The following IQGAP1 variants were observed in gnomAD, a reference collection of about 807,000 sequenced individuals.
IQGAP1 encodes IQ motif containing GTPase activating protein 1.
IQGAP1 carries 66 observed loss-of-function variants against 215.6 expected under a neutral mutation model. The observed-to-expected ratio is 0.31, with a 90% CI of 0.25 to 0.38. The LOEUF is 0.38. Among genes scored for constraint, IQGAP1 ranks in the 10% least tolerant of loss-of-function variants. The pLI is 1.00. For synonymous variants in IQGAP1, 772 were observed against 728.7 expected (o/e 1.06, Z -0.96); for missense variants, 1,712 against 1,997.1 (o/e 0.86, Z 2.72).
intron 36 of IQGAP1, among the ~76,000 whole-genome samples, chr15:90,496,453 G>A (rs1333402469): frequency 6.6e-6 from 1 of 151,720 alleles, no homozygotes; most frequent in East Asian, 1.9e-4. Flanking sequence ...AGCCTTCTGA[G>A]TAGCTGGGAC....
chr15:90,433,044 T>C (rs1965323945), intron 4 of IQGAP1, among the ~76,000 whole-genome samples: 1 of 152,216 alleles, frequency 6.6e-6, no homozygotes, highest in Non-Finnish European at 1.5e-5. Context: ...GATCTAGCCC[T>C]GCCTTCGTGT....
chr15:90,434,841 G>A (rs1965349057), intron 5 of IQGAP1, among the ~76,000 whole-genome samples: 4 of 152,166 alleles, frequency 2.6e-5, no homozygotes, highest in Admixed American at 2.0e-4. Flanking sequence ...TGGATTTTCA[G>A]ATTTGGTATA....
chr15:90,451,866 T>G (rs1965608814), intron 11 of IQGAP1, among the ~76,000 whole-genome samples: 1 of 151,648 alleles, frequency 6.6e-6, no homozygotes, highest in Non-Finnish European at 1.5e-5. Flanking sequence ...AGTCTCACTC[T>G]GTTGCCAGGC....
chr15:90,440,127 C>T (rs759500047), intron 6 of IQGAP1, among the ~76,000 whole-genome samples: 2 of 152,206 alleles, frequency 1.3e-5, no homozygotes, highest in Non-Finnish European at 2.9e-5. Flanking sequence ...TGTTGAATAG[C>T]AGCTAATGAT....
chr15:90,452,695 T>C, intron 11 of IQGAP1, 80 bp from the exon 12 acceptor site: 1 of 1,467,688 alleles, frequency 6.8e-7, no homozygotes, highest in African/African-American at 1.4e-5. Flanking sequence ...AATGTGATAT[T>C]TTTCCCATGA....
At chr15:90,391,102 G>A in intron 2 of IQGAP1, 1 of 397,746 alleles carries the variant, frequency 2.5e-6, no homozygotes, top group South Asian at 2.4e-5. Flanking sequence ...GCCAGGCATG[G>A]TGGTGCATGC....
intron 2 of IQGAP1, among the ~76,000 whole-genome samples, chr15:90,392,826 C>T: frequency 7.4e-6 from 1 of 135,336 alleles, no homozygotes; most frequent in East Asian, 2.4e-4. Flanking sequence ...CTCATTGCAA[C>T]CTCCACCTCC....
chr15:90,389,186 C>G (rs1028512315), intron 1 of IQGAP1, among the ~76,000 whole-genome samples: 4 of 152,148 alleles, frequency 2.6e-5, no homozygotes, highest in African/African-American at 9.7e-5. Flanking sequence ...AGATCAGGCC[C>G]TGTCTCCAAA....
chr15:90,409,528 G>C (rs1028284587), intron 2 of IQGAP1, among the ~76,000 whole-genome samples: 1 of 152,068 alleles, frequency 6.6e-6, no homozygotes, highest in African/African-American at 2.4e-5. Context: ...GTGAGCCACT[G>C]CGCCAGGCCT....
chr15:90,484,412 G>A, intron 30 of IQGAP1, 60 bp downstream of exon 30: 1 of 1,411,216 alleles, frequency 7.1e-7, no homozygotes, highest in Non-Finnish European at 9.9e-7. Context: ...CCTGGCTGCT[G>A]CTTATCATCT....
At chr15:90,399,762 C>T (rs1265922955) in intron 2 of IQGAP1, among the ~76,000 whole-genome samples, 15 of 152,276 alleles carry the variant, frequency 9.9e-5, no homozygotes, top group Admixed American at 7.8e-4. Context: ...ATCCTCCTGC[C>T]TCAGCCTCCC....
At chr15:90,460,618 A>C (rs533167810) in intron 15 of IQGAP1, among the ~76,000 whole-genome samples, 2 of 152,272 alleles carry the variant, frequency 1.3e-5, no homozygotes, top group East Asian at 3.9e-4. Flanking sequence ...TTAAAGCACC[A>C]CAGAACTCAC....
intron 9 of IQGAP1, among the ~76,000 whole-genome samples, chr15:90,446,488 T>G (rs12594457): frequency 0.16 from 24,778 of 152,156 alleles, 2,752 homozygotes; most frequent in East Asian, 0.46. Context: ...TGATGACTTC[T>G]GCTTAGAAGT....
At chr15:90,397,133 C>T (rs910523335) in intron 2 of IQGAP1, among the ~76,000 whole-genome samples, 8 of 152,068 alleles carry the variant, frequency 5.3e-5, no homozygotes, top group Non-Finnish European at 7.4e-5. Context: ...GGATTATAGG[C>T]GTGAGCCACT....
At chr15:90,428,485 T>TA (rs1275697885) in intron 3 of IQGAP1, among the ~76,000 whole-genome samples, 1,535 of 146,868 alleles carry the variant, frequency 0.01, 33 homozygotes, top group African/African-American at 0.036. Context: ...GCAGCAACAA[T>TA]AAAAAAAAAA....
At chr15:90,454,320 C>A in intron 13 of IQGAP1, 108 bp from the exon 14 acceptor site, 1 of 1,320,066 alleles carries the variant, frequency 7.6e-7, no homozygotes, top group Non-Finnish European at 1.1e-6. Context: ...AGTTCCAAAA[C>A]TGGTCTTGAG....
chr15:90,499,360 A>G (rs568771169), intron 37 of IQGAP1, among the ~76,000 whole-genome samples: 1 of 152,268 alleles, frequency 6.6e-6, no homozygotes, highest in African/African-American at 2.4e-5. Context: ...ACCTCATAAA[A>G]ATTTTTGTGA....
chr15:90,442,481 C>A (rs1361887685), intron 8 of IQGAP1, among the ~76,000 whole-genome samples: 1 of 152,132 alleles, frequency 6.6e-6, no homozygotes, highest in Non-Finnish European at 1.5e-5. Flanking sequence ...AATTTATCCA[C>A]CCCTTGTTAA....
At chr15:90,496,331 T>G (rs1966273803) in intron 36 of IQGAP1, among the ~76,000 whole-genome samples, 1 of 102,300 alleles carries the variant, frequency 9.8e-6, no homozygotes, top group Non-Finnish European at 1.9e-5. Context: ...TTTTTTTTTT[T>G]TTTTGAGACG....
Sources: allele counts gnomAD v4.1 joint callset (sites outside exome capture counted in the v4.1 genomes callset), GRCh38; gene constraint gnomAD v4.1.1; transcripts MANE v1.5; gene names NCBI Gene and HGNC (gene_info 2026-07-23, HGNC 2026-07-21).